The following SEMA3A variants were observed in gnomAD, a reference collection of about 807,000 sequenced individuals.
SEMA3A encodes the protein semaphorin-3A.
Under a neutral mutation model 97.9 loss-of-function variants are expected in SEMA3A, and 29 were observed. The ratio of observed to expected loss-of-function variants is 0.30; its 90% CI spans 0.22 to 0.40. The LOEUF (loss-of-function observed/expected upper bound fraction) is 0.40. Ranked by LOEUF, SEMA3A falls within the 10% of genes least tolerant of loss-of-function variation. The pLI is 1.00. For missense variants in SEMA3A, 763 were observed against 951.3 expected, an observed-to-expected ratio of 0.80 and a Z score of 2.60; for synonymous variants, 321 against 323.7, an observed-to-expected ratio of 0.99 and a Z score of 0.09.
intron 3 of SEMA3A, among the ~76,000 whole-genome samples, chr7:84,203,524 ATATTTT>A (rs1269490785): frequency 2.3e-5 from 1 of 43,040 alleles, no homozygotes; most frequent in Non-Finnish European, 4.6e-5. Context: ...ATATATATAT[ATATTTT>A]TTTTTTTTTT....
chr7:84,075,458 CTTTT>C (rs35489504), intron 4 of SEMA3A, among the ~76,000 whole-genome samples: 3 of 119,282 alleles, frequency 2.5e-5, no homozygotes, highest in African/African-American at 3.3e-5. Flanking sequence ...TGCACCTGGT[CTTTT>C]TTTTTTTTTT....
chr7:84,455,991 C>T (rs915328373), intron 1 of SEMA3A, among the ~76,000 whole-genome samples: 2 of 151,846 alleles, frequency 1.3e-5, no homozygotes, highest in African/African-American at 2.4e-5. Context: ...TCTGTCTACA[C>T]AGCATAAACT....
intron 15 of SEMA3A, among the ~76,000 whole-genome samples, chr7:83,975,207 C>T (rs1210090408): frequency 6.6e-6 from 1 of 152,080 alleles, no homozygotes; most frequent in African/African-American, 2.4e-5. Context: ...TATATTTACA[C>T]TCATAACTCT....
At chr7:84,049,326 G>T (rs1227655670) in intron 5 of SEMA3A, among the ~76,000 whole-genome samples, 3 of 152,062 alleles carry the variant, frequency 2.0e-5, no homozygotes, top group Non-Finnish European at 2.9e-5. Context: ...AAACTATTTA[G>T]TTGCACTGGG....
chr7:84,449,180 T>A (rs1805499868), intron 1 of SEMA3A, among the ~76,000 whole-genome samples: 1 of 152,112 alleles, frequency 6.6e-6, no homozygotes, highest in African/African-American at 2.4e-5. Context: ...CCTAAAACTA[T>A]AAAATACTTA....
At chr7:84,281,567 T>C (rs2115744455) in intron 3 of SEMA3A, among the ~76,000 whole-genome samples, 1 of 152,280 alleles carries the variant, frequency 6.6e-6, no homozygotes, top group South Asian at 2.1e-4. Context: ...ATAGCCTGGG[T>C]TTCTTTTATT....
chr7:84,259,302 T>TG (rs1198398971), intron 3 of SEMA3A, among the ~76,000 whole-genome samples: 2 of 152,206 alleles, frequency 1.3e-5, no homozygotes, highest in African/African-American at 4.8e-5. Flanking sequence ...ATACTTGTTC[T>TG]GAATAGTATG....
At chr7:84,445,323 C>T (rs1805381437) in intron 1 of SEMA3A, among the ~76,000 whole-genome samples, 1 of 150,612 alleles carries the variant, frequency 6.6e-6, no homozygotes, top group Non-Finnish European at 1.5e-5. Context: ...AACCCTGTCT[C>T]TACTAAAAAA....
chr7:84,144,825 G>A (rs371557886), intron 1 of SEMA3A, among the ~76,000 whole-genome samples: 4 of 152,040 alleles, frequency 2.6e-5, no homozygotes, highest in Admixed American at 6.6e-5. Flanking sequence ...CAAACAAGGC[G>A]TGAATCAAAA....
chr7:84,202,506 T>C (rs1296063674), intron 3 of SEMA3A, among the ~76,000 whole-genome samples: 2 of 152,178 alleles, frequency 1.3e-5, no homozygotes, highest in African/African-American at 4.8e-5. Flanking sequence ...AAACTGAAAT[T>C]GAACAAACCA....
intron 1 of SEMA3A, among the ~76,000 whole-genome samples, chr7:84,436,038 C>G (rs1243190994): frequency 6.6e-6 from 1 of 152,106 alleles, no homozygotes; most frequent in Non-Finnish European, 1.5e-5. Context: ...ACACCTAAAA[C>G]TATCTGATGT....
intron 3 of SEMA3A, among the ~76,000 whole-genome samples, chr7:84,268,248 C>CGTGT (rs1562879382): frequency 1.9e-5 from 2 of 106,690 alleles, no homozygotes; most frequent in East Asian, 3.5e-4. Context: ...GAGACATAAG[C>CGTGT]ATGTGTGTGT....
intron 3 of SEMA3A, among the ~76,000 whole-genome samples, chr7:84,201,015 A>T (rs898323987): frequency 1.3e-5 from 2 of 152,076 alleles, no homozygotes; most frequent in African/African-American, 4.8e-5. Context: ...CAGTAAAGGC[A>T]TATCACACAC....
chr7:84,348,983 C>CA lies in SEMA3A; in HGVS notation c.-169+22840dup, dbSNP rs1334304215. Among the ~76,000 whole-genome samples the CA allele has an allele frequency of 4.7e-5, 7 of 150,460 alleles. No individual in the cohort carries two copies. The East Asian group carries it at 5.8e-4, about 13-fold the overall frequency. On this transcript the variant is annotated intron_variant, in intron 2 of 3. Coordinates refer to the SEMA3A transcript ENST00000424555. Reference sequence around the variant, plus strand: ...TGGGCAAGGGAGTGAGACTCCATCTCAAAAAAAAAGTTCTATATTTTTATT... The same window carrying CA: ...TGGGCAAGGGAGTGAGACTCCATCTCAAAAAAAAAAGTTCTATATTTTTATT...
intron 1 of SEMA3A, among the ~76,000 whole-genome samples, chr7:84,437,630 T>C (rs1187760309): frequency 5.3e-5 from 8 of 151,796 alleles, no homozygotes; most frequent in Non-Finnish European, 7.4e-5. Flanking sequence ...AGGAAAGATT[T>C]TGAAAATCTG....
chr7:83,998,495 G>A (rs540586491), intron 12 of SEMA3A, among the ~76,000 whole-genome samples: 4 of 152,266 alleles, frequency 2.6e-5, no homozygotes, highest in African/African-American at 9.6e-5. Context: ...TCAGTGAGTG[G>A]TGAGTGAATG....
At chr7:84,463,447 A>T (rs1049962799) in intron 1 of SEMA3A, among the ~76,000 whole-genome samples, 2 of 151,524 alleles carry the variant, frequency 1.3e-5, no homozygotes, top group African/African-American at 4.8e-5. Flanking sequence ...ACGGGGTTTC[A>T]CCGTGTTAGC....
intron 1 of SEMA3A, among the ~76,000 whole-genome samples, chr7:84,181,339 T>TATATAA (rs1554341526): frequency 6.1e-5 from 9 of 147,798 alleles, no homozygotes; most frequent in East Asian, 1.9e-4. Flanking sequence ...TATATATATA[T>TATATAA]AACACACATA....
chr7:84,405,485 A>G (rs1290301990), intron 1 of SEMA3A, among the ~76,000 whole-genome samples: 1 of 152,180 alleles, frequency 6.6e-6, no homozygotes, highest in Admixed American at 6.5e-5. Flanking sequence ...AGACAGATCA[A>G]CGAGACAGAA....
Sources: allele counts gnomAD v4.1 joint callset (sites outside exome capture counted in the v4.1 genomes callset), GRCh38; gene constraint gnomAD v4.1.1; transcripts MANE v1.5; gene names NCBI Gene and HGNC (gene_info 2026-07-23, HGNC 2026-07-21).